Variants in PARD6B observed in about 807,000 individuals in gnomAD.
PARD6B encodes par-6 family cell polarity regulator beta, also known as partitioning defective 6 homolog beta.
In PARD6B, 4 loss-of-function variants were observed where a neutral mutation model predicts 10.5. That is an observed-to-expected ratio of 0.38 (90% CI 0.19 to 0.87). The LOEUF (loss-of-function observed/expected upper bound fraction) is 0.87, where lower values mean the gene tolerates loss of function less well. Ranked by LOEUF, PARD6B falls within the 40% of genes least tolerant of loss-of-function variation. The pLI, the probability that PARD6B is intolerant of heterozygous loss-of-function variation, is 0.41. For missense variants in PARD6B, 396 were observed against 470.6 expected (o/e 0.84, Z 1.47); for synonymous variants, 169 against 170.4 (o/e 0.99, Z 0.07).
At position 50,751,184 on chromosome 20, in the gene PARD6B, G is replaced by A. The variant is rs2087606219; in HGVS notation, c.*696G>A. 1 of 799,636 alleles carries A rather than the reference G, an allele frequency of 1.3e-6. No homozygotes were observed. The highest frequency in any genetic ancestry group is 1.5e-6 in the Non-Finnish European group (1 of 662,126). The allele number at this position is 799,636 out of a possible 1,614,324, so 49.5% of individuals were successfully genotyped here. On this transcript the variant is annotated 3_prime_UTR_variant, in exon 3 of 3. Transcript: ENST00000371610. ...AGGGTTTCGCCATGTTGCCCAAGTT[G>A]GTCTTGAACTCCTGGGCTTAAGCAG...
intron 1 of PARD6B, among the ~76,000 whole-genome samples, chr20:50,737,131 T>C (rs1461741591): frequency 2.0e-5 from 3 of 152,198 alleles, no homozygotes; most frequent in African/African-American, 7.2e-5. Context: ...TTCCTCCCCA[T>C]TCCGCCCCAT....
chr20:50,737,784 T>C, intron 1 of PARD6B, 73 bp from the exon 2 acceptor site: 1 of 976,230 alleles, frequency 1.0e-6, no homozygotes, highest in Non-Finnish European at 1.5e-6. Flanking sequence ...AATTTTTCTA[T>C]GGCATGCATT....
At chr20:50,740,892 C>T (rs2087526607) in intron 2 of PARD6B, among the ~76,000 whole-genome samples, 1 of 151,982 alleles carries the variant, frequency 6.6e-6, no homozygotes, top group Non-Finnish European at 1.5e-5. Context: ...TTCCCTCATT[C>T]TCTCACTCCC....
chr20:50,733,468 A>G (rs35582500), intron 1 of PARD6B, among the ~76,000 whole-genome samples: 46,312 of 152,112 alleles, frequency 0.3, 8,599 homozygotes, highest in East Asian at 0.64. Context: ...TGGCACTTAC[A>G]TGAGGATTGG....
Position 50,751,004 on chromosome 20 carries a change from CTG to C in PARD6B, c.*518_*519del, listed in dbSNP as rs2087605118. On this transcript the variant is annotated 3_prime_UTR_variant, in exon 3 of 3. Transcript: ENST00000371610. Reference sequence around the variant, plus strand: ...TTTTTTTTAGTGACTGGGTCTCACTCTGTTGCCCACACTGGAATGCAGTGGCA... The same window carrying C: ...TTTTTTTTAGTGACTGGGTCTCACTCTTGCCCACACTGGAATGCAGTGGCA... 5 of 600,900 alleles carry C rather than the reference CTG, an allele frequency of 8.3e-6. No homozygotes were observed. The highest frequency in any genetic ancestry group is 9.8e-6 in the Non-Finnish European group (5 of 510,412). The allele number at this position is 600,900 out of a possible 1,614,324, so 37.2% of individuals were successfully genotyped here.
intron 1 of PARD6B, among the ~76,000 whole-genome samples, chr20:50,735,101 G>A (rs1322050008): frequency 6.6e-6 from 1 of 151,974 alleles, no homozygotes; most frequent in Non-Finnish European, 1.5e-5. Context: ...AGTGAGCCGA[G>A]ATTGCGCCAC....
Position 50,750,954 on chromosome 20 carries a change from ATTTT to A in PARD6B, c.*495_*498del, listed in dbSNP as rs565068464. 1,422 of 387,082 alleles carry A rather than the reference ATTTT, an allele frequency of 3.7e-3. 4 individuals carry two copies. Among genetic ancestry groups the A allele is most frequent in the East Asian group, 0.032 (92 of 2,840 alleles). The allele number at this position is 387,082 out of a possible 1,614,324, so 24.0% of individuals were successfully genotyped here. ...CTCATGTTCCCAATATTTTATTTTG[ATTTT>A]TTTTTTTTTTTTTTTTTTTTTTTTT... On this transcript the variant is annotated 3_prime_UTR_variant, in exon 3 of 3. Coordinates refer to ENST00000371610, the MANE Select transcript of PARD6B (RefSeq NM_032521.3).
chr20:50,733,071 C>T (rs1184421053), intron 1 of PARD6B, among the ~76,000 whole-genome samples: 3 of 152,150 alleles, frequency 2.0e-5, no homozygotes, highest in Non-Finnish European at 2.9e-5. Context: ...CTGTAAGTTT[C>T]TGTAACTGAG....
chr20:50,750,485 A>T lies in PARD6B; in HGVS notation c.1116A>T (p.Leu372Phe). 1 of 1,609,650 alleles carries T rather than the reference A, an allele frequency of 6.2e-7. No homozygotes were observed. Among genetic ancestry groups the T allele is most frequent in the South Asian group, 1.1e-5 (1 of 90,646 alleles). ...LLEEDGTIIT[L>F] ...AAGAAGATGGAACAATCATAACATT[A>T]TGAAACCGTGGTTTGAATGTTTTCA... Residue 372 changes from leucine to phenylalanine, a missense_variant, in exon 3 of 3, where the codon TTA (leucine) becomes TTT (phenylalanine). By Grantham distance (22) the Leu-to-Phe change is conservative. Around this residue, in one of 2 missense-constraint regions of PARD6B, gnomAD observed 188 missense variants for 169.7 expected, o/e 1.11. Coordinates refer to ENST00000371610, the MANE Select transcript of PARD6B (RefSeq NM_032521.3).
chr20:50,734,844 T>A (rs1355336803), intron 1 of PARD6B, among the ~76,000 whole-genome samples: 1 of 152,164 alleles, frequency 6.6e-6, no homozygotes, highest in African/African-American at 2.4e-5. Flanking sequence ...AGGATCTCTT[T>A]TTCTTCATAT....
In PARD6B at chr20:50,751,695, T is replaced by C. The variant is rs1291367800; in HGVS notation, c.*1207T>C. ...AAACCACTTGGCTGTTTTTAGGAGT[T>C]ACTTCCCATGTTATAAAGCTGAGGA... is the stretch of plus-strand genomic sequence containing the variant. On this transcript the variant is annotated 3_prime_UTR_variant, in exon 3 of 3. Transcript: ENST00000371610. The C allele has an allele frequency of 1.0e-6, 1 of 983,768 alleles. No homozygotes were observed. The highest frequency in any genetic ancestry group is 1.2e-6 in the Non-Finnish European group (1 of 829,654). The allele number at this position is 983,768 out of a possible 1,614,324, so 60.9% of individuals were successfully genotyped here.
At position 50,752,055 on chromosome 20, in the gene PARD6B, C is replaced by T. The variant is rs2087615033; in HGVS notation, c.*1567C>T. The stretch of plus-strand genomic sequence containing the variant: ...ACAGTTGTTCAAATTGGTGTTTGTC[C>T]TTCCTATAGCTTTCATATTTTCAAA... On this transcript the variant is annotated 3_prime_UTR_variant, in exon 3 of 3. Coordinates refer to ENST00000371610, the MANE Select transcript of PARD6B (RefSeq NM_032521.3). The T allele has an allele frequency of 1.0e-6, 1 of 985,108 alleles. No individual in the cohort carries two copies. Among genetic ancestry groups the T allele is most frequent in the African/African-American group, 1.7e-5 (1 of 57,172 alleles). The allele number at this position is 985,108 out of a possible 1,614,324, so 61.0% of individuals were successfully genotyped here.
chr20:50,752,964 T>C lies in PARD6B; in HGVS notation c.*2476T>C, dbSNP rs2087622336. On this transcript the variant is annotated 3_prime_UTR_variant, in exon 3 of 3. Transcript: ENST00000371610. ...ATTCTGTGAGTCTTACAAATTTGAC[T>C]CTTGAATGGCAAAATAATGTTAGTA... 1 of 984,172 alleles carries C rather than the reference T, an allele frequency of 1.0e-6. No individual in the cohort carries two copies. Among genetic ancestry groups the C allele is most frequent in the Non-Finnish European group, 1.2e-6 (1 of 828,516 alleles). The allele number at this position is 984,172 out of a possible 1,614,324, so 61.0% of individuals were successfully genotyped here. A position where few individuals can be genotyped will look rare whatever the true frequency, so the allele number is the denominator to read the frequency against.
At chr20:50,732,529 A>ACT (rs2087477413) in intron 1 of PARD6B, among the ~76,000 whole-genome samples, 2 of 152,148 alleles carry the variant, frequency 1.3e-5, no homozygotes, top group Non-Finnish European at 2.9e-5. Flanking sequence ...TTCGGTATTC[A>ACT]CTGAATTTCT....
At chr20:50,745,026 TAGTC>T (rs1282960444) in intron 2 of PARD6B, among the ~76,000 whole-genome samples, 2 of 152,238 alleles carry the variant, frequency 1.3e-5, no homozygotes, top group Non-Finnish European at 2.9e-5. Flanking sequence ...TCCTGGCACA[TAGTC>T]AGTGTTCGTT....
In PARD6B at chr20:50,749,863, C is replaced by T. The variant is rs367776100; in HGVS notation, c.494C>T (p.Thr165Met). 29 of 1,614,096 alleles carry T rather than the reference C, an allele frequency of 1.8e-5. No homozygotes were observed. Among genetic ancestry groups the T allele is most frequent in the Admixed American group, 1.5e-4 (9 of 60,002 alleles). ...HRRVRLYKYG[T>M]EKPLGFYIRD... ...AGGGTACGTCTTTACAAATACGGCA[C>T]GGAGAAACCCCTAGGATTCTACATC... The change falls in exon 3 of 3, where the codon ACG becomes ATG. Residue 165 changes from threonine to methionine, a missense_variant. This residue lies in a region of PARD6B where 208 missense variants were observed against 300.9 expected (regional missense o/e 0.69). Coordinates refer to ENST00000371610, the MANE Select transcript of PARD6B (RefSeq NM_032521.3).
rs2087604035 is a variant in PARD6B at position 50,750,960 on chromosome 20, T to A, written c.*472T>A. The A allele has an allele frequency of 1.3e-5, 4 of 309,152 alleles. No homozygotes were observed. Among genetic ancestry groups the A allele is most frequent in the African/African-American group, 8.5e-5 (1 of 11,834 alleles). The allele number at this position is 309,152 out of a possible 1,614,324, so 19.2% of individuals were successfully genotyped here. Reference sequence around the variant, plus strand: ...TTCCCAATATTTTATTTTGATTTTTTTTTTTTTTTTTTTTTTTTTTTTTTT... The same window carrying A: ...TTCCCAATATTTTATTTTGATTTTTATTTTTTTTTTTTTTTTTTTTTTTTT... On this transcript the variant is annotated 3_prime_UTR_variant, in exon 3 of 3. Coordinates refer to ENST00000371610, the MANE Select transcript of PARD6B (RefSeq NM_032521.3).
intron 2 of PARD6B, among the ~76,000 whole-genome samples, chr20:50,744,809 C>T (rs1363363631): frequency 6.6e-6 from 1 of 152,196 alleles, no homozygotes; most frequent in Non-Finnish European, 1.5e-5. Context: ...CCTGGAGAAG[C>T]CTTGCCTTAC....
chr20:50,740,677 A>G (rs1469437697), intron 2 of PARD6B, among the ~76,000 whole-genome samples: 2 of 152,226 alleles, frequency 1.3e-5, no homozygotes, highest in African/African-American at 2.4e-5. Context: ...AAAATGTCCA[A>G]TATAATTGAT....
Sources: gnomAD v4.1 joint callset for allele counts (sites outside exome capture counted in the v4.1 genomes callset) on GRCh38, gnomAD v4.1.1 for gene constraint, gnomAD v4.1.1 regional missense constraint, MANE v1.5 for transcripts, NCBI Gene and HGNC (gene_info 2026-07-23, HGNC 2026-07-21) for gene names.